Variants in DMXL1 observed in about 807,000 individuals in gnomAD.
DMXL1 encodes the protein Dmx like 1, also known as dmX-like protein 1.
In DMXL1, 99 loss-of-function variants were observed where a neutral mutation model predicts 319.2. The observed-to-expected ratio is 0.31, with a 90% CI of 0.26 to 0.37. DMXL1 has a LOEUF of 0.37. DMXL1 is among the 10% of genes least tolerant of loss of function. DMXL1 has a pLI of 1.00. For synonymous variants in DMXL1, 1,385 were observed against 1,235.2 expected (o/e 1.12, Z -2.54); for missense variants, 3,745 against 3,595.6 (o/e 1.04, Z -1.06).
intron 1 of DMXL1, among the ~76,000 whole-genome samples, chr5:119,088,989 T>G (rs1753983169): frequency 6.6e-6 from 1 of 151,940 alleles, no homozygotes; most frequent in Non-Finnish European, 1.5e-5. Context: ...AAAACAATTT[T>G]TTTTTTGCAT....
chr5:119,217,074 T>G (rs1249297139), intron 35 of DMXL1, 87 bp downstream of exon 35: 3 of 737,212 alleles, frequency 4.1e-6, no homozygotes, highest in African/African-American at 1.8e-5. Flanking sequence ...CAGTATTTCT[T>G]TCCCAAAGCT....
chr5:119,174,225 C>T (rs892750183), intron 25 of DMXL1, among the ~76,000 whole-genome samples: 2 of 152,122 alleles, frequency 1.3e-5, no homozygotes, highest in Non-Finnish European at 2.9e-5. Context: ...ACCCCATGGC[C>T]CAGTCACACC....
In DMXL1 at chr5:119,097,993, A is replaced by G. The variant is rs776582738; in HGVS notation, c.102A>G (p.Gly34=). ...TATTTTTTTAGGCTTATGCATCTGG[A>G]TGTGACATTGTAATACTGGGAAGCG... The part of the protein sequence containing the change: ...GDQRFTAYAS[G]CDIVILGSDF... The change falls in exon 2 of 44, where the codon GGA becomes GGG. Residue 34 remains glycine (G), a synonymous_variant. Transcript: ENST00000539542. 3 of 1,605,130 alleles carry G rather than the reference A, an allele frequency of 1.9e-6. No homozygotes were observed. The highest frequency in any genetic ancestry group is 4.5e-5 in the East Asian group (2 of 44,662).
Position 119,097,901 on chromosome 5 carries a change from A to G in DMXL1, c.88-78A>G, listed in dbSNP as rs910297602. 4.0e-6 allele frequency: 5 copies of G among 1,238,044 alleles called. No individual in the cohort carries two copies. In the East Asian group the frequency reaches 8.0e-5, roughly 20 times the overall value. The allele number at this position is 1,238,044 out of a possible 1,614,324, so 76.7% of individuals were successfully genotyped here. Reference sequence around the variant, plus strand: ...ACATTTATTCTCCCTGCCTTAAAACATGATAGTTAATACTAGTATTCTACA... The same window carrying G: ...ACATTTATTCTCCCTGCCTTAAAACGTGATAGTTAATACTAGTATTCTACA... On this transcript the variant is annotated intron_variant, in intron 1 of 43. Transcript: ENST00000539542.
intron 1 of DMXL1, among the ~76,000 whole-genome samples, chr5:119,081,048 C>G (rs1352921269): frequency 2.0e-5 from 3 of 152,152 alleles, no homozygotes; most frequent in Non-Finnish European, 4.4e-5. Context: ...ATGTTACCCA[C>G]TAGAATTGTA....
intron 22 of DMXL1, among the ~76,000 whole-genome samples, chr5:119,167,296 A>G (rs1038079989): frequency 6.6e-6 from 1 of 152,152 alleles, no homozygotes; most frequent in African/African-American, 2.4e-5. Flanking sequence ...TAGAGGTTCA[A>G]GACAGAAATA....
chr5:119,130,816 T>G (rs1391203073), intron 10 of DMXL1, among the ~76,000 whole-genome samples: 1 of 152,162 alleles, frequency 6.6e-6, no homozygotes, highest in Non-Finnish European at 1.5e-5. Flanking sequence ...TCTTTTTCTT[T>G]TTTCTGTGAG....
intron 1 of DMXL1, among the ~76,000 whole-genome samples, chr5:119,077,548 A>G (rs1277478375): frequency 8.6e-6 from 1 of 116,098 alleles, no homozygotes; most frequent in Non-Finnish European, 1.6e-5. Flanking sequence ...AGTACAGTGG[A>G]TCTCAGCTCA....
At chr5:119,118,259 C>G (rs776071431) in intron 7 of DMXL1, among the ~76,000 whole-genome samples, 1 of 152,182 alleles carries the variant, frequency 6.6e-6, no homozygotes, top group Non-Finnish European at 1.5e-5. Flanking sequence ...TAAGTGTACT[C>G]AGTAGTTACT....
At chr5:119,144,905 C>G (rs1768179794) in intron 15 of DMXL1, among the ~76,000 whole-genome samples, 1 of 151,666 alleles carries the variant, frequency 6.6e-6, no homozygotes, top group African/African-American at 2.4e-5. Context: ...GAGCTTTTTG[C>G]ATGGATGGGG....
chr5:119,164,774 T>C (rs907591046), intron 20 of DMXL1, 98 bp downstream of exon 20: 3 of 1,122,458 alleles, frequency 2.7e-6, no homozygotes, highest in Non-Finnish European at 3.8e-6. Context: ...CCTCTTGTTT[T>C]TGAAGCAGCA....
intron 24 of DMXL1, among the ~76,000 whole-genome samples, 181 bp downstream of exon 24, chr5:119,171,461 C>T (rs914388459): frequency 2.0e-5 from 3 of 152,046 alleles, no homozygotes; most frequent in Non-Finnish European, 4.4e-5. Context: ...TAGTTACAGA[C>T]GATTCAGTAT....
In DMXL1 at chr5:119,133,997, TGAC is replaced by T; in HGVS notation, c.2075_2077del (p.Asp692del). 1.9e-6 allele frequency: 3 copies of T among 1,614,232 alleles called. No individual in the cohort carries two copies. The highest frequency in any genetic ancestry group is 2.5e-6 in the Non-Finnish European group (3 of 1,180,036). ...TGACACAACAAAATAAAAGCACTGTTGACGTGGCATTTCAGGATCCCAGTGCAG... is the reference window on the plus strand; with the variant it reads ...TGACACAACAAAATAAAAGCACTGTTGTGGCATTTCAGGATCCCAGTGCAG... On this transcript the variant is annotated inframe_deletion, in exon 12 of 44. Transcript: ENST00000539542.
chr5:119,073,129 C>T (rs1427878909), intron 1 of DMXL1, among the ~76,000 whole-genome samples: 1 of 152,172 alleles, frequency 6.6e-6, no homozygotes, highest in Non-Finnish European at 1.5e-5. Context: ...GTGGCGGGAT[C>T]ACAGCTCACT....
intron 13 of DMXL1, 24 bp downstream of exon 13, chr5:119,134,413 C>G: frequency 6.4e-7 from 1 of 1,571,020 alleles, no homozygotes; most frequent in Non-Finnish European, 8.7e-7. Flanking sequence ...TTTAAAACAG[C>G]TTAAGTATAT....
chr5:119,191,168 T>C (rs898751582), intron 29 of DMXL1, among the ~76,000 whole-genome samples: 3 of 152,250 alleles, frequency 2.0e-5, no homozygotes, highest in African/African-American at 7.2e-5. Context: ...TTGCTCTGTA[T>C]AGTTTATGCG....
At chr5:119,207,785 G>A (rs1400838182) in intron 34 of DMXL1, among the ~76,000 whole-genome samples, 2 of 152,166 alleles carry the variant, frequency 1.3e-5, no homozygotes, top group Non-Finnish European at 2.9e-5. Context: ...GCCTCCCAAA[G>A]TGCTAGGATT....
At position 119,171,184 on chromosome 5, in the gene DMXL1, A is replaced by C. The variant is rs146373954; in HGVS notation, c.6393A>C (p.Arg2131Ser). ...QWLLKYQSLL[R>S]MFLSYCILHG... is the part of the protein sequence containing the mutation. ...TCTTGAAGTATCAGTCACTTTTGAG[A>C]ATGTTTCTTAGTTACTGCATACTTC... is the stretch of plus-strand genomic sequence containing the variant. Residue 2131 changes from arginine (R) to serine (S), a missense_variant, in exon 24 of 44, where the codon AGA becomes AGC. This residue lies in a region of DMXL1 where 1,382 missense variants were observed against 1,269.5 expected (regional missense o/e 1.09). Coordinates refer to ENST00000539542, the MANE Select transcript of DMXL1 (RefSeq NM_001290321.3). 324 of 1,613,956 alleles carry C rather than the reference A, an allele frequency of 2.0e-4. 1 individual carries two copies. Among genetic ancestry groups the C allele is most frequent in the Middle Eastern group, 5.0e-4 (3 of 6,060 alleles).
intron 31 of DMXL1, 88 bp from the exon 32 acceptor site, chr5:119,197,667 C>G: frequency 2.5e-5 from 29 of 1,160,718 alleles, no homozygotes; most frequent in Non-Finnish European, 3.3e-5. Context: ...CCTGCATCTG[C>G]TCTCCCCTCT....
Sources: gnomAD v4.1 joint callset for allele counts (sites outside exome capture counted in the v4.1 genomes callset) on GRCh38, gnomAD v4.1.1 for gene constraint, gnomAD v4.1.1 regional missense constraint, MANE v1.5 for transcripts, NCBI Gene and HGNC (gene_info 2026-07-23, HGNC 2026-07-21) for gene names.